ADAM32: variants seen among roughly 807,000 people sequenced by gnomAD.
ADAM32 encodes ADAM metallopeptidase domain 32.
In ADAM32, 89 loss-of-function variants were observed where a neutral mutation model predicts 114.9. The ratio of observed to expected loss-of-function variants is 0.77; its 90% CI spans 0.65 to 0.92. The LOEUF (loss-of-function observed/expected upper bound fraction) is 0.92, where lower values mean the gene tolerates loss of function less well. ADAM32 is among the 40% of genes least tolerant of loss of function. ADAM32 has a pLI of 0.00. For synonymous variants in ADAM32, 285 were observed against 307.5 expected, an observed-to-expected ratio of 0.93 and a Z score of 0.77; for missense variants, 870 against 932.8, an observed-to-expected ratio of 0.93 and a Z score of 0.88.
Position 39,254,334 on chromosome 8 carries a change from G to C in ADAM32, c.1903-80G>C. The stretch of plus-strand genomic sequence containing the variant: ...AATAAACAAAATTACACTAGATTAT[G>C]GTACAAAAGTAAGCTTGATGCTCAC... On this transcript the variant is annotated intron_variant, in intron 17 of 24. Transcript: ENST00000379907. The C allele has an allele frequency of 1.5e-5, 18 of 1,166,248 alleles. No homozygotes were observed. In the South Asian group the frequency reaches 2.4e-4, roughly 16 times the overall value. The allele number at this position is 1,166,248 out of a possible 1,614,324, so 72.2% of individuals were successfully genotyped here. A position where few individuals can be genotyped will look rare whatever the true frequency, so the allele number is the denominator to read the frequency against.
At chr8:39,222,467 G>A (rs1375985111) in intron 13 of ADAM32, among the ~76,000 whole-genome samples, 1 of 151,964 alleles carries the variant, frequency 6.6e-6, no homozygotes, top group African/African-American at 2.4e-5. Flanking sequence ...TTTTATTTGA[G>A]ATTCTTTTTG....
At chr8:39,235,816 A>G (rs1810097206) in intron 16 of ADAM32, among the ~76,000 whole-genome samples, 1 of 152,226 alleles carries the variant, frequency 6.6e-6, no homozygotes, top group African/African-American at 2.4e-5. Flanking sequence ...GTCAAGGACC[A>G]GCGAGAAGAC....
At chr8:39,124,253 C>T (rs1801973131) in intron 2 of ADAM32, among the ~76,000 whole-genome samples, 1 of 152,020 alleles carries the variant, frequency 6.6e-6, no homozygotes. Context: ...TCAGCTCCCA[C>T]TTATAAGTGA....
intron 14 of ADAM32, chr8:39,224,104 C>T (rs528734295): frequency 6.6e-6 from 1 of 152,214 alleles, no homozygotes; most frequent in African/African-American, 2.4e-5. Flanking sequence ...TAAAAGTGAA[C>T]TTTCTTCTCT....
intron 19 of ADAM32, among the ~76,000 whole-genome samples, chr8:39,267,844 A>G (rs889981482): frequency 6.6e-6 from 1 of 152,206 alleles, no homozygotes; most frequent in African/African-American, 2.4e-5. Context: ...CAGTTTCGGC[A>G]GGAGTAGCCA....
chr8:39,115,658 T>C (rs964555748), intron 1 of ADAM32, among the ~76,000 whole-genome samples: 2 of 152,056 alleles, frequency 1.3e-5, no homozygotes, highest in Non-Finnish European at 2.9e-5. Context: ...TTTGTTGGCA[T>C]AGTTTGTTGA....
In ADAM32 at chr8:39,223,026, C is replaced by T. The variant is rs1245943942; in HGVS notation, c.1327-14C>T. The stretch of plus-strand genomic sequence containing the variant: ...TTTGTAATGCTTTATTTTTTATGTT[C>T]TAACTTCTCTTAGATTTTACAATCA... On this transcript the variant is annotated splice_polypyrimidine_tract_variant and intron_variant, in intron 13 of 24. Coordinates refer to ENST00000379907, the MANE Select transcript of ADAM32 (RefSeq NM_145004.7). The T allele has an allele frequency of 1.3e-6, 2 of 1,538,466 alleles. No homozygotes were observed. The highest frequency in any genetic ancestry group is 1.7e-6 in the Non-Finnish European group (2 of 1,144,978).
intron 14 of ADAM32, 53 bp downstream of exon 14, chr8:39,223,291 C>T: frequency 8.0e-7 from 1 of 1,243,778 alleles, no homozygotes; most frequent in East Asian, 2.8e-5. Flanking sequence ...ATTAACATTA[C>T]CAGGATAATG....
chr8:39,179,413 C>T (rs77851756), intron 10 of ADAM32, among the ~76,000 whole-genome samples: 4,180 of 152,272 alleles, frequency 0.027, 217 homozygotes, highest in African/African-American at 0.095. Flanking sequence ...GCTTGGCTCC[C>T]TGGATTCAGC....
At chr8:39,131,568 A>G (rs1209402080) in intron 2 of ADAM32, among the ~76,000 whole-genome samples, 1 of 152,142 alleles carries the variant, frequency 6.6e-6, no homozygotes, top group Non-Finnish European at 1.5e-5. Context: ...GGAGTACTTA[A>G]GTTTCCAAAT....
intron 10 of ADAM32, among the ~76,000 whole-genome samples, chr8:39,184,271 T>C (rs1002062409): frequency 6.6e-6 from 1 of 152,206 alleles, no homozygotes; most frequent in Non-Finnish European, 1.5e-5. Flanking sequence ...GCCATATTAC[T>C]CTTGATTTAT....
intron 14 of ADAM32, among the ~76,000 whole-genome samples, chr8:39,225,373 C>A (rs1265763474): frequency 6.6e-6 from 1 of 152,190 alleles, no homozygotes; most frequent in African/African-American, 2.4e-5. Context: ...GGAAGCAGGG[C>A]TGTCTTCACC....
chr8:39,153,476 C>T (rs1469074958), intron 6 of ADAM32, among the ~76,000 whole-genome samples: 1 of 152,202 alleles, frequency 6.6e-6, no homozygotes, highest in African/African-American at 2.4e-5. Context: ...ATGTGGGCTG[C>T]CCTTCAGCCA....
intron 16 of ADAM32, among the ~76,000 whole-genome samples, chr8:39,245,571 T>C (rs1810862070): frequency 6.6e-6 from 1 of 152,096 alleles, no homozygotes; most frequent in African/African-American, 2.4e-5. Flanking sequence ...CAGGGGCTTG[T>C]GCATGTAGAG....
chr8:39,232,216 T>G lies in ADAM32; in HGVS notation c.1634+81T>G, dbSNP rs1386837137. 2.7e-6 allele frequency: 3 copies of G among 1,123,110 alleles called. No individual in the cohort carries two copies. The Admixed American group carries it at 7.4e-5, about 28-fold the overall frequency. The allele number at this position is 1,123,110 out of a possible 1,614,324, so 69.6% of individuals were successfully genotyped here. ...ACTTTGCCCCCTTCTGTGTCATTCATTCCAGTGGTTTAAAGTATTACATGT... is the reference window on the plus strand; with the variant it reads ...ACTTTGCCCCCTTCTGTGTCATTCAGTCCAGTGGTTTAAAGTATTACATGT... On this transcript the variant is annotated intron_variant, in intron 15 of 24. Transcript: ENST00000379907.
intron 11 of ADAM32, among the ~76,000 whole-genome samples, chr8:39,191,831 A>G (rs1222209019): frequency 1.3e-5 from 2 of 152,114 alleles, no homozygotes; most frequent in Non-Finnish European, 2.9e-5. Context: ...TCCAGTTCCT[A>G]TGTACAGAAT....
intron 10 of ADAM32, among the ~76,000 whole-genome samples, chr8:39,184,090 T>A (rs1485461995): frequency 6.6e-6 from 1 of 152,228 alleles, no homozygotes; most frequent in Non-Finnish European, 1.5e-5. Context: ...GCTCGAGCTG[T>A]TTAGAAAGGC....
intron 14 of ADAM32, among the ~76,000 whole-genome samples, chr8:39,227,019 A>T (rs566650122): frequency 6.6e-6 from 1 of 152,200 alleles, no homozygotes; most frequent in Non-Finnish European, 1.5e-5. Context: ...GGGAGGCAGG[A>T]CTAGATTACA....
chr8:39,246,046 T>G, intron 16 of ADAM32, 37 bp from the exon 17 acceptor site: 1 of 1,534,706 alleles, frequency 6.5e-7, no homozygotes, highest in Non-Finnish European at 9.0e-7. Flanking sequence ...TGTACCCCTC[T>G]GACATGGGAA....
Sources: gnomAD v4.1 joint callset for allele counts (sites outside exome capture counted in the v4.1 genomes callset) on GRCh38, gnomAD v4.1.1 for gene constraint, MANE v1.5 for transcripts, NCBI Gene and HGNC (gene_info 2026-07-23, HGNC 2026-07-21) for gene names.